The following ARHGAP28 variants were observed in gnomAD, a reference collection of about 807,000 sequenced individuals.
ARHGAP28 encodes the protein Rho GTPase activating protein 28.
ARHGAP28 carries 56 observed loss-of-function variants against 90.7 expected under a neutral mutation model. The ratio of observed to expected loss-of-function variants is 0.62; its 90% CI spans 0.50 to 0.77. ARHGAP28 has a LOEUF of 0.77. ARHGAP28 is among the 30% of genes least tolerant of loss of function. ARHGAP28 has a pLI of 0.00. For missense variants in ARHGAP28, 869 were observed against 900.9 expected, an observed-to-expected ratio of 0.96 and a Z score of 0.45; for synonymous variants, 308 against 323.3, an observed-to-expected ratio of 0.95 and a Z score of 0.51.
intron 1 of ARHGAP28, among the ~76,000 whole-genome samples, chr18:6,782,743 C>T (rs987888020): frequency 6.6e-6 from 1 of 150,384 alleles, no homozygotes; most frequent in Non-Finnish European, 1.5e-5. Flanking sequence ...AGCCACCACA[C>T]CCAGCCAAGA....
chr18:6,890,187 A>C (rs2057253826), intron 13 of ARHGAP28, 102 bp downstream of exon 13: 1 of 1,329,524 alleles, frequency 7.5e-7, no homozygotes, highest in South Asian at 1.3e-5. Context: ...GGGAAGAAAT[A>C]TGAGAAGATA....
intron 9 of ARHGAP28, among the ~76,000 whole-genome samples, 179 bp from the exon 10 acceptor site, chr18:6,875,952 C>T (rs2057127833): frequency 1.3e-5 from 2 of 152,154 alleles, no homozygotes; most frequent in Non-Finnish European, 2.9e-5. Flanking sequence ...TTCTCATTTG[C>T]ATGTCGGAGG....
Position 6,770,368 on chromosome 18 carries a change from A to G in ARHGAP28, c.122+40425A>G, listed in dbSNP as rs60331863. The stretch of plus-strand genomic sequence containing the variant: ...AGTGCTGTCTTGATTAAATCTGTCA[A>G]TAATCTGGGCAATAAAGCAATTCTA... On this transcript the variant is annotated intron_variant, in intron 1 of 17. Coordinates refer to ENST00000383472, the MANE Select transcript of ARHGAP28 (RefSeq NM_001366230.1). 2.8e-3 allele frequency among the ~76,000 whole-genome samples: 425 copies of G among 152,346 alleles called. 3 individuals carry two copies. Among genetic ancestry groups the G allele is most frequent in the African/African-American group, 9.7e-3 (403 of 41,574 alleles).
At position 6,883,120 on chromosome 18, in the gene ARHGAP28, C is replaced by T. The variant is rs182887737; in HGVS notation, c.1453+821C>T. Among the ~76,000 whole-genome samples, 292 of 152,228 alleles carry T rather than the reference C, an allele frequency of 1.9e-3. 1 individual carries two copies. The highest frequency in any genetic ancestry group is 6.7e-3 in the African/African-American group (280 of 41,528). On this transcript the variant is annotated intron_variant, in intron 11 of 17. Transcript: ENST00000383472. ...AAGGTCTGTGTCCAAACTGAGAGGA[C>T]ACACCCCATCTAGAGACATTGACCA...
rs1229389107 is a variant in ARHGAP28 at position 6,914,669 on chromosome 18, G to A, written c.*2515G>A. The stretch of plus-strand genomic sequence containing the variant: ...TGCAAACAAAAGAAGGGCAGATACT[G>A]GGCTTCTACATGCTATCCTTAAGAG... On this transcript the variant is annotated 3_prime_UTR_variant, in exon 18 of 18. Transcript: ENST00000383472. 12 of 152,108 alleles carry A rather than the reference G, an allele frequency of 7.9e-5. No individual in the cohort carries two copies. Among genetic ancestry groups the A allele is most frequent in the Non-Finnish European group, 1.5e-4 (10 of 68,008 alleles). 9.4% of individuals were successfully genotyped at this position (152,108 alleles called of 1,614,324 possible).
chr18:6,839,599 A>T (rs971872267), intron 3 of ARHGAP28, among the ~76,000 whole-genome samples: 2 of 152,078 alleles, frequency 1.3e-5, no homozygotes, highest in Non-Finnish European at 2.9e-5. Flanking sequence ...GCCCGGCCAT[A>T]ATTTTTTTAG....
intron 3 of ARHGAP28, among the ~76,000 whole-genome samples, chr18:6,839,190 A>G (rs984358302): frequency 3.3e-5 from 5 of 151,904 alleles, no homozygotes; most frequent in African/African-American, 4.8e-5. Flanking sequence ...TGAAAAGGCT[A>G]TTATACTTCT....
chr18:6,830,052 C>G (rs768233203), intron 2 of ARHGAP28, among the ~76,000 whole-genome samples: 7 of 152,118 alleles, frequency 4.6e-5, no homozygotes, highest in Non-Finnish European at 1.0e-4. Context: ...ATAGCATTCT[C>G]CCTATTTTTG....
intron 1 of ARHGAP28, among the ~76,000 whole-genome samples, chr18:6,795,883 AG>A (rs1326589079): frequency 6.6e-6 from 1 of 152,244 alleles, no homozygotes; most frequent in Non-Finnish European, 1.5e-5. Flanking sequence ...GGACATCCCA[AG>A]GGAAGTTTTA....
chr18:6,785,646 G>C (rs1005132199), intron 1 of ARHGAP28, among the ~76,000 whole-genome samples: 1 of 152,156 alleles, frequency 6.6e-6, no homozygotes, highest in African/African-American at 2.4e-5. Flanking sequence ...TATGATAAAC[G>C]ACTAAGCCAA....
intron 1 of ARHGAP28, among the ~76,000 whole-genome samples, chr18:6,782,788 A>G (rs942970356): frequency 6.6e-6 from 1 of 151,422 alleles, no homozygotes; most frequent in South Asian, 2.1e-4. Flanking sequence ...ATACAATTAT[A>G]TAATTGTATA....
rs1460978966 is a variant in ARHGAP28 at position 6,729,939 on chromosome 18, A to G, written c.118A>G (p.Ser40Gly). 3.6e-6 allele frequency: 5 copies of G among 1,376,806 alleles called. No homozygotes were observed. In the South Asian group the frequency reaches 5.1e-5, roughly 14 times the overall value. The allele number at this position is 1,376,806 out of a possible 1,614,324, so 85.3% of individuals were successfully genotyped here. The change falls in exon 1 of 18, where the codon AGC (serine) becomes GGC (glycine). Residue 40 changes from serine (S) to glycine (G), a missense_variant. By Grantham distance (56) the Ser-to-Gly change is moderately conservative. Transcript: ENST00000383472. ...CCGCGCCGCAGCCAGCCACCCGCTCAGCAGGTACCCGGAGCCGCTCCCACC... is the reference window on the plus strand; with the variant it reads ...CCGCGCCGCAGCCAGCCACCCGCTCGGCAGGTACCCGGAGCCGCTCCCACC... ...APRAAASHPL[S>G]RKSIPRCRRI...
Position 6,875,507 on chromosome 18 carries a change from G to T in ARHGAP28, c.1213-624G>T, listed in dbSNP as rs79404641. Among the ~76,000 whole-genome samples the T allele has an allele frequency of 2.0e-5, 3 of 152,238 alleles. No individual in the cohort carries two copies. The South Asian group carries it at 6.2e-4, about 32-fold the overall frequency. On this transcript the variant is annotated intron_variant, in intron 9 of 17. Coordinates refer to ENST00000383472, the MANE Select transcript of ARHGAP28 (RefSeq NM_001366230.1). Reference sequence around the variant, plus strand: ...GTGAGGTGCTTTATTACAGTGAATCGAACTGTTCTCCTTAGTCTCCTTAGC... The same window carrying T: ...GTGAGGTGCTTTATTACAGTGAATCTAACTGTTCTCCTTAGTCTCCTTAGC...
chr18:6,822,915 G>A (rs2056635630), intron 1 of ARHGAP28, among the ~76,000 whole-genome samples: 1 of 152,160 alleles, frequency 6.6e-6, no homozygotes, highest in South Asian at 2.1e-4. Context: ...AATTCAGTGT[G>A]CTTTACATTA....
intron 16 of ARHGAP28, among the ~76,000 whole-genome samples, chr18:6,904,810 A>G (rs1189887231): frequency 6.6e-6 from 1 of 152,186 alleles, no homozygotes; most frequent in African/African-American, 2.4e-5. Context: ...TATAGCTAAT[A>G]AATTCAAAAA....
intron 11 of ARHGAP28, among the ~76,000 whole-genome samples, chr18:6,884,489 A>G (rs656747): frequency 0.82 from 124,315 of 152,228 alleles, 51,010 homozygotes; most frequent in Non-Finnish European, 0.86. Context: ...TGTCAAGTAA[A>G]TTTAAAGCTT....
intron 7 of ARHGAP28, among the ~76,000 whole-genome samples, chr18:6,871,042 T>C (rs2057083831): frequency 1.3e-5 from 2 of 152,320 alleles, no homozygotes; most frequent in South Asian, 4.1e-4. Context: ...CCTCACGATC[T>C]GCCTGCCTCG....
chr18:6,849,925 C>A (rs572531292), intron 3 of ARHGAP28, among the ~76,000 whole-genome samples: 1 of 152,042 alleles, frequency 6.6e-6, no homozygotes, highest in South Asian at 2.1e-4. Context: ...GTAATTATTT[C>A]TTTCTCTCCA....
chr18:6,756,380 C>T (rs150722312), intron 1 of ARHGAP28, among the ~76,000 whole-genome samples: 51 of 152,138 alleles, frequency 3.4e-4, no homozygotes, highest in Non-Finnish European at 5.4e-4. Context: ...ACAGAAATAA[C>T]GTATCAGAAA....
Sources: allele counts gnomAD v4.1 joint callset (sites outside exome capture counted in the v4.1 genomes callset), GRCh38; gene constraint gnomAD v4.1.1; transcripts MANE v1.5; gene names NCBI Gene and HGNC (gene_info 2026-07-23, HGNC 2026-07-21).